Variants in VAC14 observed in about 807,000 individuals in gnomAD.
VAC14 encodes the protein protein VAC14 homolog.
A neutral mutation model predicts 85.3 loss-of-function variants in VAC14; 47 were observed. That is an observed-to-expected ratio of 0.55 (90% CI 0.44 to 0.70). VAC14 has a LOEUF of 0.70. Ranked by LOEUF, VAC14 falls within the 30% of genes least tolerant of loss-of-function variation. The pLI is 0.00. For synonymous variants in VAC14, 447 were observed against 430.5 expected (o/e 1.04, Z -0.47); for missense variants, 861 against 1,004.3 (o/e 0.86, Z 1.93).
chr16:70,744,443 G>C lies in VAC14; in HGVS notation c.1508C>G (p.Ala503Gly). 1 of 1,614,080 alleles carries C rather than the reference G, an allele frequency of 6.2e-7. No homozygotes were observed. Among genetic ancestry groups the C allele is most frequent in the African/African-American group, 1.3e-5 (1 of 75,058 alleles). Residue 503 changes from alanine to glycine, a missense_variant, in exon 13 of 19, where the codon GCC becomes GGC. Coordinates refer to ENST00000261776, the MANE Select transcript of VAC14 (RefSeq NM_018052.5). ...CTTACCAGAGGTGTTCAGTAGGCCG[G>C]CTCTGCCAGGGGTGGGCACCTGGAG... ...SELQVPTPGR[A>G]GLLNTSGTKG...
chr16:70,755,681 C>T (rs577696250), intron 12 of VAC14, among the ~76,000 whole-genome samples: 1 of 152,248 alleles, frequency 6.6e-6, no homozygotes, highest in Non-Finnish European at 1.5e-5. Context: ...TCTCCTCCCA[C>T]TGATACGAGG....
At chr16:70,703,247 T>C (rs559513914) in intron 14 of VAC14, among the ~76,000 whole-genome samples, 85 of 152,368 alleles carry the variant, frequency 5.6e-4, no homozygotes, top group Non-Finnish European at 9.7e-4. Flanking sequence ...CATGTGCCCA[T>C]ATTTTCCAAC....
At chr16:70,741,647 AGT>A (rs1020223907) in intron 13 of VAC14, among the ~76,000 whole-genome samples, 2 of 152,342 alleles carry the variant, frequency 1.3e-5, no homozygotes, top group African/African-American at 4.8e-5. Context: ...TGAAGCAAGA[AGT>A]GTGACTGGCT....
At chr16:70,704,541 C>A (rs1228453775) in intron 14 of VAC14, among the ~76,000 whole-genome samples, 1 of 152,228 alleles carries the variant, frequency 6.6e-6, no homozygotes, top group Non-Finnish European at 1.5e-5. Context: ...TGTGCAAACA[C>A]TGCTGTCTGA....
At chr16:70,726,955 A>G (rs922957722) in intron 14 of VAC14, among the ~76,000 whole-genome samples, 1 of 152,188 alleles carries the variant, frequency 6.6e-6, no homozygotes, top group Non-Finnish European at 1.5e-5. Flanking sequence ...TGACTCCGAC[A>G]TGGAGGTGCG....
intron 1 of VAC14, among the ~76,000 whole-genome samples, chr16:70,790,805 T>C (rs897251958): frequency 6.6e-6 from 1 of 152,190 alleles, no homozygotes; most frequent in Non-Finnish European, 1.5e-5. Context: ...ATTCAGGCCC[T>C]GTGGCCCCAG....
At chr16:70,756,812 A>T (rs1211533132) in intron 12 of VAC14, among the ~76,000 whole-genome samples, 1 of 151,724 alleles carries the variant, frequency 6.6e-6, no homozygotes, top group Non-Finnish European at 1.5e-5. Flanking sequence ...CCCTTACACC[A>T]CTCCCTAGAC....
chr16:70,692,856 G>C lies in VAC14; in HGVS notation c.2151C>G (p.Leu717=). 2 of 1,603,614 alleles carry C rather than the reference G, an allele frequency of 1.2e-6. No individual in the cohort carries two copies. The highest frequency in any genetic ancestry group is 1.7e-6 in the Non-Finnish European group (2 of 1,176,854). The change falls in exon 18 of 19, where the codon CTC becomes CTG. Residue 717 remains leucine (L), a synonymous_variant. Coordinates refer to ENST00000261776, the MANE Select transcript of VAC14 (RefSeq NM_018052.5). The part of the protein sequence containing the change: ...SSAFQLLSHR[L]QCVPNPELLQ... ...GCAGCTCAGGGTTGGGCACGCACTG[G>C]AGCCGGTGCGAGAGCAGCTGGAAGG...
rs1331759899 is a variant in VAC14 at position 70,777,420 on chromosome 16, G to A, written c.1096+3370C>T. Among the ~76,000 whole-genome samples, 4 of 152,242 alleles carry A rather than the reference G, an allele frequency of 2.6e-5. No homozygotes were observed. The South Asian group carries it at 6.2e-4, about 24-fold the overall frequency. Reference sequence around the variant, plus strand: ...GCTCAGAAAGGGTAGGCAGCTGTCTGAGGGGAACAGATATAAAGTCAGCAG... The same window carrying A: ...GCTCAGAAAGGGTAGGCAGCTGTCTAAGGGGAACAGATATAAAGTCAGCAG... On this transcript the variant is annotated intron_variant, in intron 9 of 18. Transcript: ENST00000261776.
intron 13 of VAC14, among the ~76,000 whole-genome samples, chr16:70,741,252 C>A (rs2143009289): frequency 6.6e-6 from 1 of 152,370 alleles, no homozygotes; most frequent in East Asian, 1.9e-4. Context: ...CAGAAAGAGC[C>A]CCTTGCATGC....
At chr16:70,732,031 G>A (rs1379877589) in intron 13 of VAC14, among the ~76,000 whole-genome samples, 1 of 152,074 alleles carries the variant, frequency 6.6e-6, no homozygotes, top group Non-Finnish European at 1.5e-5. Flanking sequence ...ATCTATTTGG[G>A]CCATTAAGGA....
intron 14 of VAC14, among the ~76,000 whole-genome samples, chr16:70,727,038 C>T (rs1242177749): frequency 1.3e-5 from 2 of 152,200 alleles, no homozygotes; most frequent in African/African-American, 2.4e-5. Context: ...TTCCTCAATG[C>T]CAAGAACCCC....
At chr16:70,800,336 T>C (rs1162770636) in intron 1 of VAC14, among the ~76,000 whole-genome samples, 1 of 152,186 alleles carries the variant, frequency 6.6e-6, no homozygotes, top group East Asian at 1.9e-4. Context: ...TCACGAGTTT[T>C]CCGACCTGAT....
rs763898557 is a variant in VAC14 at position 70,759,981 on chromosome 16, G to A, written c.1371+2559C>T. The stretch of plus-strand genomic sequence containing the variant: ...TAGAAATGCAAAATGGAAGTAAGAC[G>A]ACTCCCCGCAGAGAACCGTCGTGAG... On this transcript the variant is annotated intron_variant, in intron 12 of 18. Coordinates refer to ENST00000261776, the MANE Select transcript of VAC14 (RefSeq NM_018052.5). 2.3e-4 allele frequency among the ~76,000 whole-genome samples: 35 copies of A among 152,130 alleles called. 1 individual carries two copies. The highest frequency in any genetic ancestry group is 2.0e-4 in the Admixed American group (3 of 15,264).
At chr16:70,725,330 G>C in intron 14 of VAC14, among the ~76,000 whole-genome samples, 1 of 152,224 alleles carries the variant, frequency 6.6e-6, no homozygotes, top group East Asian at 1.9e-4. Flanking sequence ...CGGTGGCCTT[G>C]GACACCTTGG....
chr16:70,777,904 C>T (rs1321561840), intron 9 of VAC14, among the ~76,000 whole-genome samples: 1 of 152,172 alleles, frequency 6.6e-6, no homozygotes, highest in Non-Finnish European at 1.5e-5. Context: ...TGAACTTGTC[C>T]CTGACCAGCG....
intron 12 of VAC14, among the ~76,000 whole-genome samples, chr16:70,759,691 ACTCTCCACG>A (rs1485568090): frequency 6.6e-6 from 1 of 151,930 alleles, no homozygotes; most frequent in Non-Finnish European, 1.5e-5. Context: ...ACCTCTCCAT[ACTCTCCACG>A]CTCAAGAACT....
intron 12 of VAC14, chr16:70,755,249 G>A (rs919092545): frequency 6.0e-6 from 2 of 336,064 alleles, no homozygotes; most frequent in Non-Finnish European, 1.2e-5. Context: ...GGGGCCACCA[G>A]GTCAGTGAGC....
chr16:70,692,003 C>T, intron 18 of VAC14: 1 of 984,914 alleles, frequency 1.0e-6, no homozygotes, highest in Non-Finnish European at 1.2e-6. Flanking sequence ...GGGCGCGCTC[C>T]ATTCAGCGTA....
Sources: allele counts gnomAD v4.1 joint callset (sites outside exome capture counted in the v4.1 genomes callset), GRCh38; gene constraint gnomAD v4.1.1; transcripts MANE v1.5; gene names NCBI Gene and HGNC (gene_info 2026-07-23, HGNC 2026-07-21).